FNDC3A: variants seen among roughly 807,000 people sequenced by gnomAD.
The protein encoded by FNDC3A is fibronectin type III domain containing 3A.
Under a neutral mutation model 148.9 loss-of-function variants are expected in FNDC3A, and 32 were observed. That is an observed-to-expected ratio of 0.21 (90% CI 0.16 to 0.29). The LOEUF (loss-of-function observed/expected upper bound fraction) is 0.29. Among genes scored for constraint, FNDC3A ranks in the 10% least tolerant of loss-of-function variants. The pLI, the probability that FNDC3A is intolerant of heterozygous loss-of-function variation, is 1.00. For synonymous variants in FNDC3A, 472 were observed against 473.6 expected (o/e 1.00, Z 0.04); for missense variants, 1,191 against 1,452.8 (o/e 0.82, Z 2.93).
At chr13:49,001,936 G>A (rs762745858) in intron 1 of FNDC3A, among the ~76,000 whole-genome samples, 7 of 151,894 alleles carry the variant, frequency 4.6e-5, no homozygotes, top group African/African-American at 1.2e-4. Flanking sequence ...CTATTTGTAC[G>A]CTCCCTCCCC....
chr13:49,195,301 A>G (rs1886093320), intron 19 of FNDC3A, among the ~76,000 whole-genome samples: 1 of 152,150 alleles, frequency 6.6e-6, no homozygotes, highest in South Asian at 2.1e-4. Context: ...ACTTTTTTAT[A>G]AAACAGTTAC....
intron 2 of FNDC3A, among the ~76,000 whole-genome samples, chr13:49,057,446 C>T (rs758328881): frequency 6.6e-6 from 1 of 152,126 alleles, no homozygotes; most frequent in Non-Finnish European, 1.5e-5. Context: ...CCCTCTTATG[C>T]CAGATAAACT....
chr13:48,984,089 C>T (rs1309492295), intron 1 of FNDC3A, among the ~76,000 whole-genome samples: 1 of 152,052 alleles, frequency 6.6e-6, no homozygotes, highest in Non-Finnish European at 1.5e-5. Context: ...TCAACAATAA[C>T]CAACTATGAA....
At chr13:49,204,856 A>T (rs1886576819) in intron 25 of FNDC3A, among the ~76,000 whole-genome samples, 2 of 152,150 alleles carry the variant, frequency 1.3e-5, no homozygotes, top group South Asian at 4.1e-4. Flanking sequence ...ACTTGATCCC[A>T]TCATCTTCCC....
At chr13:49,189,559 A>G (rs1033492212) in intron 17 of FNDC3A, among the ~76,000 whole-genome samples, 2 of 151,426 alleles carry the variant, frequency 1.3e-5, no homozygotes, top group African/African-American at 4.9e-5. Context: ...TTTTTTTTTG[A>G]AATGAAATTT....
intron 2 of FNDC3A, chr13:49,045,049 TTTCCCTTTCCCTTTTC>T (rs1875259661): frequency 3.8e-5 from 2 of 52,460 alleles, no homozygotes; most frequent in Admixed American, 3.1e-4. Context: ...TCCCTTTTCC[TTTCCCTTTCCCTTTTC>T]CTTTCCCTTT....
rs1383649233 is a variant in FNDC3A at position 49,069,680 on chromosome 13, T to C, written c.100-5609T>C. On this transcript the variant is annotated intron_variant, in intron 2 of 25. Transcript: ENST00000492622. ...GTAACAGACTAATTTACATACTCAA[T>C]CTTCAGTGGTTTGATAGCATTTTAC... Among the ~76,000 whole-genome samples, 6 of 152,292 alleles carry C rather than the reference T, an allele frequency of 3.9e-5. No individual in the cohort carries two copies. In the East Asian group the frequency reaches 9.6e-4, roughly 24 times the overall value.
intron 23 of FNDC3A, among the ~76,000 whole-genome samples, chr13:49,200,313 C>G (rs749168347): frequency 2.6e-5 from 4 of 152,062 alleles, no homozygotes; most frequent in Non-Finnish European, 5.9e-5. Flanking sequence ...ATTTTGTATA[C>G]TAGTATATCA....
intron 3 of FNDC3A, among the ~76,000 whole-genome samples, chr13:49,108,845 A>ATT (rs1880368188): frequency 6.6e-6 from 1 of 152,122 alleles, no homozygotes; most frequent in African/African-American, 2.4e-5. Flanking sequence ...TTTCATAGGA[A>ATT]TTTTGAAGTT....
chr13:49,053,838 G>T (rs1876032595), intron 2 of FNDC3A, among the ~76,000 whole-genome samples: 1 of 152,178 alleles, frequency 6.6e-6, no homozygotes, highest in African/African-American at 2.4e-5. Context: ...CCTGGAAGGG[G>T]AAGAAGATTC....
At chr13:49,063,162 T>C (rs1203811740) in intron 2 of FNDC3A, among the ~76,000 whole-genome samples, 2 of 152,136 alleles carry the variant, frequency 1.3e-5, no homozygotes, top group East Asian at 3.8e-4. Flanking sequence ...ACTACATTGC[T>C]AAGCACTGTG....
chr13:49,137,636 A>G (rs553814559), intron 6 of FNDC3A, among the ~76,000 whole-genome samples: 7 of 152,146 alleles, frequency 4.6e-5, no homozygotes, highest in South Asian at 4.1e-4. Flanking sequence ...TGAGCCTACT[A>G]TATGGACTTT....
At chr13:49,025,311 T>G (rs947147635) in intron 2 of FNDC3A, among the ~76,000 whole-genome samples, 15 of 152,206 alleles carry the variant, frequency 9.9e-5, no homozygotes, top group African/African-American at 3.6e-4. Flanking sequence ...ACTATTGACT[T>G]GGTAATACTT....
intron 2 of FNDC3A, among the ~76,000 whole-genome samples, chr13:49,072,713 G>C (rs111878792): frequency 6.6e-4 from 100 of 152,014 alleles, no homozygotes; most frequent in African/African-American, 2.3e-3. Flanking sequence ...CAAACTCCTG[G>C]GTTCAAGCAA....
intron 2 of FNDC3A, among the ~76,000 whole-genome samples, chr13:49,054,841 A>G (rs1414691053): frequency 6.6e-6 from 1 of 151,884 alleles, no homozygotes; most frequent in East Asian, 1.9e-4. Flanking sequence ...GACCCTGTTT[A>G]TATTTTATAT....
At position 49,180,731 on chromosome 13, in the gene FNDC3A, A is replaced by G. The variant is rs138911044; in HGVS notation, c.1617+2077A>G. Among the ~76,000 whole-genome samples, 4 of 152,214 alleles carry G rather than the reference A, an allele frequency of 2.6e-5. No homozygotes were observed. The East Asian group carries it at 7.7e-4, about 29-fold the overall frequency. On this transcript the variant is annotated intron_variant, in intron 14 of 25. Transcript: ENST00000492622. ...ATTCCTTAGCATTCTACTATAAGCTAATCAAATTTCTATTTAGGCCAGGCA... is the reference window on the plus strand; with the variant it reads ...ATTCCTTAGCATTCTACTATAAGCTGATCAAATTTCTATTTAGGCCAGGCA...
At chr13:49,125,413 A>G (rs1004322915) in intron 4 of FNDC3A, among the ~76,000 whole-genome samples, 2 of 152,178 alleles carry the variant, frequency 1.3e-5, no homozygotes, top group Admixed American at 6.5e-5. Context: ...TGAATGGCCT[A>G]TGTTATTGTT....
At chr13:49,155,351 G>A (rs1252398911) in intron 8 of FNDC3A, among the ~76,000 whole-genome samples, 1 of 151,260 alleles carries the variant, frequency 6.6e-6, no homozygotes, top group Non-Finnish European at 1.5e-5. Context: ...ATTTCTGTGG[G>A]ATCAGTGGTG....
chr13:49,116,740 C>T (rs1181841234), intron 4 of FNDC3A, among the ~76,000 whole-genome samples: 3 of 150,564 alleles, frequency 2.0e-5, no homozygotes, highest in African/African-American at 4.9e-5. Flanking sequence ...GAGCCGAGAT[C>T]GCACCATTGC....
Sources: allele counts gnomAD v4.1 joint callset (sites outside exome capture counted in the v4.1 genomes callset), GRCh38; gene constraint gnomAD v4.1.1; transcripts MANE v1.5; gene names NCBI Gene and HGNC (gene_info 2026-07-23, HGNC 2026-07-21).